The following MAGI1 variants were observed in gnomAD, a reference collection of about 807,000 sequenced individuals.
MAGI1 encodes membrane-associated guanylate kinase, WW and PDZ domain-containing protein 1.
In MAGI1, 58 loss-of-function variants were observed where a neutral mutation model predicts 139.9. The observed-to-expected ratio is 0.41, with a 90% confidence interval of 0.34 to 0.52. MAGI1 has a LOEUF of 0.52. MAGI1 is among the 20% of genes least tolerant of loss of function. The pLI, the probability that MAGI1 is intolerant of heterozygous loss-of-function variation, is 0.12. For synonymous variants in MAGI1, 812 were observed against 737.9 expected (o/e 1.10, Z -1.63); for missense variants, 1,874 against 1,901.6 (o/e 0.99, Z 0.27).
intron 10 of MAGI1, among the ~76,000 whole-genome samples, chr3:65,436,372 C>T (rs1947854886): frequency 6.6e-6 from 1 of 152,070 alleles, no homozygotes; most frequent in Non-Finnish European, 1.5e-5. Flanking sequence ...AAACTAAACA[C>T]AAATATTTTC....
At chr3:65,801,158 A>G (rs2040489207) in intron 1 of MAGI1, among the ~76,000 whole-genome samples, 1 of 152,248 alleles carries the variant, frequency 6.6e-6, no homozygotes, top group Non-Finnish European at 1.5e-5. Flanking sequence ...AATGTTTCCA[A>G]TGAAATAATC....
rs577987713 is a variant in MAGI1 at position 65,461,648 on chromosome 3, C to T, written c.960-8308G>A. Among the ~76,000 whole-genome samples the T allele has an allele frequency of 3.9e-5, 6 of 152,072 alleles. No individual in the cohort carries two copies. The East Asian group carries it at 1.2e-3, about 30-fold the overall frequency. Reference sequence around the variant, plus strand: ...GGACTACAGGCGCCCGCCACCACGCCTGGCTAATTTTCTGTATTTTTAGTA... The same window carrying T: ...GGACTACAGGCGCCCGCCACCACGCTTGGCTAATTTTCTGTATTTTTAGTA... On this transcript the variant is annotated intron_variant, in intron 5 of 22. Coordinates refer to ENST00000402939, the MANE Select transcript of MAGI1 (RefSeq NM_001033057.2).
At chr3:65,921,927 C>CACG (rs2062222004) in intron 1 of MAGI1, among the ~76,000 whole-genome samples, 2 of 149,740 alleles carry the variant, frequency 1.3e-5, no homozygotes, top group Admixed American at 1.3e-4. Context: ...ACGACACACA[C>CACG]ACACACACAC....
chr3:65,764,084 G>GAAAAAAAGA (rs1553703577), intron 1 of MAGI1, among the ~76,000 whole-genome samples: 2 of 125,494 alleles, frequency 1.6e-5, no homozygotes, highest in Non-Finnish European at 3.3e-5. Context: ...AAGAAAAAAA[G>GAAAAAAAGA]AAAAAAAAAA....
rs1293054962 is a variant in MAGI1, at chr3:65,437,206, G to C, written c.1312C>G (p.Pro438Ala). ...TCTGGATTGCTTGGAGGGTGGTTTGGAATAACAGGAGGCACAAGGGCTGAG... is the reference window on the plus strand; with the variant it reads ...TCTGGATTGCTTGGAGGGTGGTTTGCAATAACAGGAGGCACAAGGGCTGAG... ...DHSALVPPVI[P>A]NHPPSNPEPA... The change falls in exon 10 of 23, where the codon CCA (proline) becomes GCA (alanine). Residue 438 changes from proline (P) to alanine (A), a missense_variant. By Grantham distance (27) the Pro-to-Ala change is conservative. Transcript: ENST00000402939. The C allele has an allele frequency of 6.2e-7, 1 of 1,612,508 alleles. No individual in the cohort carries two copies. Among genetic ancestry groups the C allele is most frequent in the Non-Finnish European group, 8.5e-7 (1 of 1,178,758 alleles).
At chr3:65,492,342 G>A (rs1575999840) in intron 3 of MAGI1, among the ~76,000 whole-genome samples, 1 of 152,184 alleles carries the variant, frequency 6.6e-6, no homozygotes, top group Non-Finnish European at 1.5e-5. Context: ...CTGATCCTAT[G>A]GATATGTTTG....
intron 1 of MAGI1, among the ~76,000 whole-genome samples, chr3:65,704,580 C>G (rs766111028): frequency 2.6e-5 from 4 of 152,126 alleles, no homozygotes; most frequent in Non-Finnish European, 5.9e-5. Context: ...TGACTTGGCA[C>G]CAAGAACTTG....
At chr3:65,358,374 T>C (rs1940435077) in intron 22 of MAGI1, among the ~76,000 whole-genome samples, 1 of 152,146 alleles carries the variant, frequency 6.6e-6, no homozygotes. Context: ...TGGGGCTCTT[T>C]AAGGATCTTT....
intron 12 of MAGI1, among the ~76,000 whole-genome samples, chr3:65,405,750 A>G (rs990843605): frequency 6.6e-5 from 10 of 152,138 alleles, no homozygotes; most frequent in Non-Finnish European, 1.3e-4. Context: ...GCACGTCACC[A>G]TGCCTGGCTA....
chr3:65,767,643 C>T (rs1180098126), intron 1 of MAGI1, among the ~76,000 whole-genome samples: 1 of 152,116 alleles, frequency 6.6e-6, no homozygotes, highest in African/African-American at 2.4e-5. Flanking sequence ...GTTAGGAGGC[C>T]ATTGTTATGG....
chr3:65,538,510 C>A (rs1489530244), intron 2 of MAGI1, among the ~76,000 whole-genome samples: 1 of 152,188 alleles, frequency 6.6e-6, no homozygotes. Flanking sequence ...CAATTCCCTA[C>A]AGTTAAATTT....
chr3:65,558,858 G>A (rs1277530130), intron 2 of MAGI1, among the ~76,000 whole-genome samples: 1 of 152,116 alleles, frequency 6.6e-6, no homozygotes, highest in East Asian at 1.9e-4. Flanking sequence ...ATTATAATAA[G>A]CTACAAATCC....
At chr3:66,036,243 T>A (rs1258379538) in intron 1 of MAGI1, among the ~76,000 whole-genome samples, 3 of 152,208 alleles carry the variant, frequency 2.0e-5, no homozygotes, top group Non-Finnish European at 2.9e-5. Context: ...GCACTTACTA[T>A]GTACAGGCAC....
intron 1 of MAGI1, among the ~76,000 whole-genome samples, chr3:65,786,372 T>G (rs9817033): frequency 0.035 from 5,229 of 150,900 alleles, 299 homozygotes; most frequent in African/African-American, 0.12. Context: ...AATGACATGA[T>G]CACAGCTCAC....
intron 22 of MAGI1, among the ~76,000 whole-genome samples, chr3:65,357,472 T>TC (rs1284074648): frequency 3.3e-5 from 5 of 152,088 alleles, no homozygotes; most frequent in Admixed American, 6.6e-5. Flanking sequence ...TCTGTAGCTA[T>TC]CCCTTGTTCT....
chr3:65,857,558 T>C (rs1299419171), intron 1 of MAGI1, among the ~76,000 whole-genome samples: 1 of 152,192 alleles, frequency 6.6e-6, no homozygotes, highest in Admixed American at 6.5e-5. Flanking sequence ...CCAGAGCTAA[T>C]CGCTCAGGCT....
chr3:65,917,133 T>C (rs2061946501), intron 1 of MAGI1, among the ~76,000 whole-genome samples: 1 of 152,220 alleles, frequency 6.6e-6, no homozygotes, highest in Non-Finnish European at 1.5e-5. Context: ...ATACATATTA[T>C]ACCATTAACT....
At chr3:65,506,273 G>C (rs1419105180) in intron 2 of MAGI1, among the ~76,000 whole-genome samples, 2 of 152,124 alleles carry the variant, frequency 1.3e-5, no homozygotes, top group Non-Finnish European at 2.9e-5. Context: ...GATTACATGA[G>C]ATAACACAAG....
At chr3:65,855,775 T>C (rs1322788636) in intron 1 of MAGI1, among the ~76,000 whole-genome samples, 9 of 151,654 alleles carry the variant, frequency 5.9e-5, no homozygotes, top group South Asian at 2.1e-4. Context: ...TTAACCCCCA[T>C]AGATACATTG....
Sources: gnomAD v4.1 joint callset for allele counts (sites outside exome capture counted in the v4.1 genomes callset) on GRCh38, gnomAD v4.1.1 for gene constraint, MANE v1.5 for transcripts, NCBI Gene and HGNC (gene_info 2026-07-23, HGNC 2026-07-21) for gene names.